Variants in SPON1 observed in about 807,000 individuals in gnomAD.
SPON1 encodes spondin-1.
SPON1 carries 52 observed loss-of-function variants against 111.7 expected under a neutral mutation model. That is an observed-to-expected ratio of 0.47 (90% CI 0.37 to 0.59). The LOEUF (loss-of-function observed/expected upper bound fraction) is 0.59. Among genes scored for constraint, SPON1 ranks in the 20% least tolerant of loss-of-function variants. The probability of loss-of-function intolerance (pLI) is 0.00; values close to 1 mark genes in which losing one functional copy is unlikely to be tolerated. For missense variants in SPON1, 957 were observed against 1,068.5 expected, an observed-to-expected ratio of 0.90 and a Z score of 1.46; for synonymous variants, 410 against 395.8, an observed-to-expected ratio of 1.04 and a Z score of -0.43.
chr11:14,052,279 T>C (rs1848713376), intron 3 of SPON1, among the ~76,000 whole-genome samples: 2 of 152,198 alleles, frequency 1.3e-5, no homozygotes, highest in African/African-American at 4.8e-5. Context: ...TCATAATACT[T>C]TGTAATTTCG....
chr11:14,215,940 A>G (rs1465998233), intron 6 of SPON1, among the ~76,000 whole-genome samples: 2 of 152,144 alleles, frequency 1.3e-5, no homozygotes, highest in Non-Finnish European at 1.5e-5. Context: ...AGATAATCCA[A>G]AATTTCTACA....
chr11:14,161,329 A>G (rs966136013), intron 6 of SPON1, among the ~76,000 whole-genome samples: 1 of 138,504 alleles, frequency 7.2e-6, no homozygotes, highest in Non-Finnish European at 1.5e-5. Flanking sequence ...ATATATTTAT[A>G]TATATATAAG....
chr11:14,103,599 T>A (rs182593195), intron 5 of SPON1, among the ~76,000 whole-genome samples: 11 of 152,312 alleles, frequency 7.2e-5, no homozygotes, highest in Admixed American at 6.5e-4. Flanking sequence ...TAGCCTTTGA[T>A]CTCCTCTTTA....
At chr11:14,102,341 CTA>C (rs1849150483) in intron 5 of SPON1, among the ~76,000 whole-genome samples, 1 of 152,114 alleles carries the variant, frequency 6.6e-6, no homozygotes, top group South Asian at 2.1e-4. Context: ...ATGTTCTATT[CTA>C]TTTTATTTAA....
At chr11:14,221,826 C>T (rs1228609311) in intron 6 of SPON1, among the ~76,000 whole-genome samples, 3 of 152,166 alleles carry the variant, frequency 2.0e-5, no homozygotes, top group Non-Finnish European at 4.4e-5. Context: ...ACCTCCTCAC[C>T]TCTCATTAGA....
chr11:13,966,083 C>A (rs1318825551), intron 1 of SPON1, among the ~76,000 whole-genome samples: 2 of 152,196 alleles, frequency 1.3e-5, no homozygotes, highest in African/African-American at 4.8e-5. Flanking sequence ...CATGGAGTTT[C>A]TTCCCCAAAA....
intron 5 of SPON1, among the ~76,000 whole-genome samples, chr11:14,117,525 C>A (rs1554926103): frequency 6.6e-6 from 1 of 151,790 alleles, no homozygotes; most frequent in Non-Finnish European, 1.5e-5. Flanking sequence ...TGGAATAAAC[C>A]CTACATTGTT....
chr11:14,095,294 A>T (rs1301499271), intron 5 of SPON1, among the ~76,000 whole-genome samples: 1 of 152,136 alleles, frequency 6.6e-6, no homozygotes, highest in African/African-American at 2.4e-5. Flanking sequence ...GAAGAGTGAT[A>T]CCATATGGAC....
chr11:14,257,757 T>C lies in SPON1; in HGVS notation c.1351T>C (p.Trp451Arg). The C allele has an allele frequency of 6.2e-7, 1 of 1,613,400 alleles. No individual in the cohort carries two copies. Among genetic ancestry groups the C allele is most frequent in the Non-Finnish European group, 8.5e-7 (1 of 1,179,710 alleles). ...CTGCATCTACTCCAACTGGTCCCCATGGTCCGCCTGCAGCTCCTCCACCTG... is the reference window on the plus strand; with the variant it reads ...CTGCATCTACTCCAACTGGTCCCCACGGTCCGCCTGCAGCTCCTCCACCTG... ...ETCIYSNWSPWSACSSSTCDK... is the reference protein window; with the variant it reads ...ETCIYSNWSPRSACSSSTCDK... The change falls in exon 11 of 16, where the codon TGG becomes CGG. Residue 451 changes from tryptophan (W) to arginine (R), a missense_variant. This residue lies in a region of SPON1 where 549 missense variants were observed against 606.2 expected (regional missense o/e 0.91). Transcript: ENST00000576479.
chr11:14,100,368 G>C (rs943145929), intron 5 of SPON1, among the ~76,000 whole-genome samples: 5 of 151,656 alleles, frequency 3.3e-5, no homozygotes, highest in African/African-American at 4.8e-5. Flanking sequence ...ATACATTTCT[G>C]ATTGTACTTT....
At chr11:14,030,549 T>G (rs1591356169) in intron 2 of SPON1, among the ~76,000 whole-genome samples, 1 of 152,044 alleles carries the variant, frequency 6.6e-6, no homozygotes, top group East Asian at 1.9e-4. Context: ...ATAAAGCAAG[T>G]GAGATTTTAA....
At chr11:14,154,073 G>A (rs1237747917) in intron 6 of SPON1, among the ~76,000 whole-genome samples, 2 of 152,176 alleles carry the variant, frequency 1.3e-5, no homozygotes, top group African/African-American at 2.4e-5. Context: ...CCCTGCAGCT[G>A]TTTTCACAGA....
intron 3 of SPON1, among the ~76,000 whole-genome samples, chr11:14,054,819 G>A (rs996582156): frequency 4.6e-5 from 7 of 152,238 alleles, no homozygotes; most frequent in Non-Finnish European, 7.4e-5. Flanking sequence ...AGGATCTCCC[G>A]CTCTTACATA....
chr11:14,265,124 G>A (rs573533321), intron 15 of SPON1, among the ~76,000 whole-genome samples: 9 of 152,254 alleles, frequency 5.9e-5, no homozygotes, highest in Admixed American at 1.3e-4. Flanking sequence ...CCTCACCTGC[G>A]TATCTGGGGC....
chr11:14,263,188 G>A, intron 15 of SPON1: 2 of 546,742 alleles, frequency 3.7e-6, no homozygotes, highest in Non-Finnish European at 6.3e-6. Flanking sequence ...TGGCGGTGGG[G>A]GTCATTTATC....
chr11:14,114,909 T>TAAGGTGGACCAAACTCTCTCTTTACC lies in SPON1; in HGVS notation c.677-20507_677-20482dup, dbSNP rs1554925840. 1.7e-4 allele frequency among the ~76,000 whole-genome samples: 26 copies of TAAGGTGGACCAAACTCTCTCTTTACC among 152,312 alleles called. No individual in the cohort carries two copies. The South Asian group carries it at 5.2e-3, about 30-fold the overall frequency. ...ACGTGACAGTGAATTTTTGTTAAAG[T>TAAGGTGGACCAAACTCTCTCTTTACC]AAGGTGGACCAAACTCTCTCTTTAC... is the stretch of plus-strand genomic sequence containing the variant. On this transcript the variant is annotated intron_variant, in intron 5 of 15. Transcript: ENST00000576479.
At chr11:14,160,415 ATT>A (rs369126466) in intron 6 of SPON1, among the ~76,000 whole-genome samples, 707 of 45,038 alleles carry the variant, frequency 0.016, 98 homozygotes, top group East Asian at 0.037. Flanking sequence ...ATATATATAT[ATT>A]TATATATATA....
chr11:14,041,232 T>C (rs1458246296), intron 2 of SPON1, among the ~76,000 whole-genome samples: 1 of 152,204 alleles, frequency 6.6e-6, no homozygotes, highest in Non-Finnish European at 1.5e-5. Flanking sequence ...GGTCGTTCTA[T>C]TGAAATAAGC....
intron 6 of SPON1, among the ~76,000 whole-genome samples, chr11:14,229,154 A>G (rs1848769040): frequency 6.6e-6 from 1 of 152,232 alleles, no homozygotes. Context: ...CACAATTCAC[A>G]TGTAATATTT....
Sources: allele counts gnomAD v4.1 joint callset (sites outside exome capture counted in the v4.1 genomes callset), GRCh38; gene constraint gnomAD v4.1.1; regional missense constraint gnomAD v4.1.1; transcripts MANE v1.5; gene names NCBI Gene and HGNC (gene_info 2026-07-23, HGNC 2026-07-21).